MTMR7: variants seen among roughly 807,000 people sequenced by gnomAD.
The protein encoded by MTMR7 is myotubularin related protein 7, also known as phosphatidylinositol-3-phosphate phosphatase MTMR7.
A neutral mutation model predicts 81.2 loss-of-function variants in MTMR7; 76 were observed. That is an observed-to-expected ratio of 0.94 (90% CI 0.78 to 1.13). The LOEUF is 1.13. MTMR7 is among the 50% of genes most tolerant of loss of function. MTMR7 has a pLI of 0.00. For missense variants in MTMR7, 1,044 were observed against 820.0 expected (o/e 1.27, Z -3.34); for synonymous variants, 372 against 289.8 (o/e 1.28, Z -2.88).
chr8:17,368,066 A>G (rs569541432), intron 3 of MTMR7, among the ~76,000 whole-genome samples: 3 of 152,034 alleles, frequency 2.0e-5, no homozygotes, highest in Non-Finnish European at 4.4e-5. Context: ...TGTGGAAGAC[A>G]ATTTTTCTGT....
chr8:17,319,764 A>G (rs1183833292), intron 7 of MTMR7, among the ~76,000 whole-genome samples: 1 of 152,058 alleles, frequency 6.6e-6, no homozygotes, highest in African/African-American at 2.4e-5. Context: ...ACGAGGCTCC[A>G]GTCTGGCTCC....
Position 17,305,870 on chromosome 8 carries a change from A to C in MTMR7, c.1239T>G (p.Phe413Leu). The C allele has an allele frequency of 1.2e-6, 2 of 1,613,744 alleles. No homozygotes were observed. The highest frequency in any genetic ancestry group is 1.7e-6 in the Non-Finnish European group (2 of 1,179,688). Residue 413 changes from phenylalanine to leucine, a missense_variant, in exon 11 of 14, where the codon TTT (phenylalanine) becomes TTG (leucine). Physicochemically the swap from Phe to Leu is conservative, Grantham distance 22. Coordinates refer to ENST00000180173, the MANE Select transcript of MTMR7 (RefSeq NM_004686.5). ...TCTCATTGAACTCAAAGGCACAGGG[A>C]AATTGTTCCATTAACTGCCAAACAC... is the stretch of plus-strand genomic sequence containing the variant. The part of the protein sequence containing the change: ...IECVWQLMEQ[F>L]PCAFEFNERF...
chr8:17,315,091 A>T (rs577259331), intron 7 of MTMR7, among the ~76,000 whole-genome samples: 2 of 152,362 alleles, frequency 1.3e-5, no homozygotes, highest in Admixed American at 1.3e-4. Flanking sequence ...TTAATCATTA[A>T]AAGTTATACA....
intron 4 of MTMR7, chr8:17,349,329 C>G (rs1819656662): frequency 2.9e-6 from 1 of 347,844 alleles, no homozygotes; most frequent in South Asian, 6.8e-5. Context: ...TCCCCTCTCT[C>G]CAAGGGCTCT....
intron 7 of MTMR7, among the ~76,000 whole-genome samples, chr8:17,314,394 C>G (rs186784936): frequency 1.3e-5 from 2 of 152,162 alleles, no homozygotes; most frequent in African/African-American, 4.8e-5. Flanking sequence ...ACATGTTATT[C>G]CAGTCTCTGA....
At chr8:17,326,211 AG>A (rs1191151159) in intron 7 of MTMR7, 10 of 152,328 alleles carry the variant, frequency 6.6e-5, no homozygotes, top group African/African-American at 2.4e-4. Flanking sequence ...CACAGTAAGT[AG>A]GTAAAAATGG....
At chr8:17,392,009 T>C (rs986637338) in intron 1 of MTMR7, among the ~76,000 whole-genome samples, 3 of 152,010 alleles carry the variant, frequency 2.0e-5, no homozygotes, top group Non-Finnish European at 2.9e-5. Flanking sequence ...CTAAGAAATA[T>C]GGTACAAAAT....
At chr8:17,390,254 TG>T (rs1163351412) in intron 1 of MTMR7, among the ~76,000 whole-genome samples, 4 of 147,976 alleles carry the variant, frequency 2.7e-5, no homozygotes, top group Admixed American at 2.7e-4. Flanking sequence ...CCAATCATGG[TG>T]TAAGGCAAAG....
At chr8:17,327,488 C>G (rs1563335781) in intron 7 of MTMR7, among the ~76,000 whole-genome samples, 2 of 151,930 alleles carry the variant, frequency 1.3e-5, no homozygotes, top group Admixed American at 6.6e-5. Context: ...ACTGTGTTGC[C>G]CAGGCTGGTC....
chr8:17,317,475 G>A (rs1396175580), intron 7 of MTMR7, among the ~76,000 whole-genome samples: 1 of 152,092 alleles, frequency 6.6e-6, no homozygotes, highest in Admixed American at 6.6e-5. Context: ...CTTAACCCCT[G>A]TTTTTGGCCT....
chr8:17,361,036 A>C, intron 4 of MTMR7, 81 bp downstream of exon 4: 1 of 1,470,328 alleles, frequency 6.8e-7, no homozygotes, highest in Non-Finnish European at 9.4e-7. Context: ...TAAAACCTGA[A>C]GGAGATAAAA....
At chr8:17,360,527 T>C (rs1374399725) in intron 4 of MTMR7, among the ~76,000 whole-genome samples, 2 of 151,880 alleles carry the variant, frequency 1.3e-5, no homozygotes, top group Non-Finnish European at 2.9e-5. Context: ...CACATTACTT[T>C]TGTTACTCAA....
Position 17,408,199 on chromosome 8 carries a change from G to A in MTMR7, c.24+5070C>T, listed in dbSNP as rs1821644594. Among the ~76,000 whole-genome samples the A allele has an allele frequency of 3.0e-5, 2 of 66,974 alleles. 1 individual carries two copies. The highest frequency in any genetic ancestry group is 1.3e-3 in the South Asian group (2 of 1,508). The allele number at this position is 66,974 out of a possible 152,430, so 43.9% of individuals were successfully genotyped here. On this transcript the variant is annotated intron_variant, in intron 1 of 13. Transcript: ENST00000180173. ...AGGTCAGGAGATCGAGACCATCCCG[G>A]CTAAAACGGTGAAACCCCGTCTCTA...
At chr8:17,413,141 C>T (rs934424623) in intron 1 of MTMR7, 128 bp downstream of exon 1, 34 of 1,085,528 alleles carry the variant, frequency 3.1e-5, no homozygotes, top group Admixed American at 2.5e-4. Flanking sequence ...ATGCCTGCTC[C>T]TCCCTCGCCC....
chr8:17,347,440 C>A (rs11993005), intron 5 of MTMR7, among the ~76,000 whole-genome samples: 17,324 of 152,084 alleles, frequency 0.11, 2,505 homozygotes, highest in East Asian at 0.39. Context: ...ATGAAGCTGG[C>A]ATTGCTCCAG....
intron 8 of MTMR7, among the ~76,000 whole-genome samples, chr8:17,313,006 T>C (rs1419977988): frequency 2.0e-5 from 3 of 152,232 alleles, no homozygotes; most frequent in Non-Finnish European, 2.9e-5. Flanking sequence ...CATTTGGTTG[T>C]ATTCTACAGA....
At chr8:17,302,471 T>C (rs1439753710) in intron 12 of MTMR7, 191 bp from the exon 13 acceptor site, 2 of 531,676 alleles carry the variant, frequency 3.8e-6, no homozygotes, top group Non-Finnish European at 6.4e-6. Flanking sequence ...GTAAATGCCT[T>C]TTGGGGAGAA....
At chr8:17,327,776 T>A (rs2285282) in intron 7 of MTMR7, among the ~76,000 whole-genome samples, 56,859 of 152,094 alleles carry the variant, frequency 0.37, 12,829 homozygotes, top group South Asian at 0.55. Context: ...AAAAATTGGG[T>A]GGCAAATGGT....
intron 5 of MTMR7, among the ~76,000 whole-genome samples, chr8:17,347,299 T>A (rs1016160882): frequency 2.6e-5 from 4 of 152,176 alleles, no homozygotes; most frequent in African/African-American, 9.7e-5. Flanking sequence ...TAGACCCTAA[T>A]TCAAGGCTAG....
Sources: gnomAD v4.1 joint callset for allele counts (sites outside exome capture counted in the v4.1 genomes callset) on GRCh38, gnomAD v4.1.1 for gene constraint, MANE v1.5 for transcripts, NCBI Gene and HGNC (gene_info 2026-07-23, HGNC 2026-07-21) for gene names.